The following STK33 variants were observed in gnomAD, a reference collection of about 807,000 sequenced individuals.
STK33 encodes serine/threonine kinase 33, also known as serine/threonine-protein kinase 33.
STK33 carries 52 observed loss-of-function variants against 58.0 expected under a neutral mutation model. The ratio of observed to expected loss-of-function variants is 0.90; its 90% CI spans 0.72 to 1.13. The LOEUF (loss-of-function observed/expected upper bound fraction) is 1.13. STK33 is among the 50% of genes most tolerant of loss of function. The pLI, the probability that STK33 is intolerant of heterozygous loss-of-function variation, is 0.00. For synonymous variants in STK33, 215 were observed against 200.1 expected (o/e 1.07, Z -0.63); for missense variants, 630 against 604.2 (o/e 1.04, Z -0.45).
chr11:8,371,605 CTTTCTT>C, the STK33 span, among the ~76,000 whole-genome samples: 8 of 149,356 alleles, frequency 5.4e-5, no homozygotes, highest in Admixed American at 4.0e-4. Flanking sequence ...TTTCCTTTCT[CTTTCTT>C]TCTCTTTCTT....
chr11:8,473,389 T>C, intron 5 of STK33, 113 bp from the exon 6 acceptor site: 1 of 662,518 alleles, frequency 1.5e-6, no homozygotes, highest in South Asian at 2.0e-5. Context: ...CCATGTTTAC[T>C]ATGCACAAGA....
At position 8,474,837 on chromosome 11, in the gene STK33, A is replaced by AT; in HGVS notation, c.68dup (p.Asp23GlufsTer28). On this transcript the variant is annotated frameshift_variant, in exon 5 of 16. Transcript: ENST00000687296. LOFTEE classifies it high-confidence loss of function. ...TTTTGCTGGAACATACACAAAGTACATCTTTCTGAGAAGCAGATGAACAGT... is the reference window on the plus strand; with the variant it reads ...TTTTGCTGGAACATACACAAAGTACATTCTTTCTGAGAAGCAGATGAACAGT... 2 of 1,611,334 alleles carry AT rather than the reference A, an allele frequency of 1.2e-6. No individual in the cohort carries two copies. The highest frequency in any genetic ancestry group is 1.7e-4 in the Middle Eastern group (1 of 6,050).
intron 15 of STK33, among the ~76,000 whole-genome samples, chr11:8,402,411 A>G (rs532333956): frequency 6.6e-6 from 1 of 152,250 alleles, no homozygotes; most frequent in Admixed American, 6.5e-5. Flanking sequence ...TGGGAATTGA[A>G]CAATGAGAAC....
At chr11:8,343,758 C>G in the STK33 span, among the ~76,000 whole-genome samples, 1 of 152,158 alleles carries the variant, frequency 6.6e-6, no homozygotes, top group Non-Finnish European at 1.5e-5. Flanking sequence ...TGTTCCAGAA[C>G]ACAGTTCTCA....
intron 1 of STK33, among the ~76,000 whole-genome samples, chr11:8,485,740 G>A (rs1950153078): frequency 1.3e-5 from 2 of 152,154 alleles, no homozygotes; most frequent in African/African-American, 4.8e-5. Flanking sequence ...CAAATGAACA[G>A]TAAACTCTAC....
chr11:8,539,321 C>T (rs931237417), intron 1 of STK33, among the ~76,000 whole-genome samples: 9 of 152,178 alleles, frequency 5.9e-5, no homozygotes, highest in Admixed American at 2.0e-4. Context: ...ATCTCTGACA[C>T]GGTGCTGCAT....
chr11:8,346,523 G>C, the STK33 span, among the ~76,000 whole-genome samples: 1 of 152,226 alleles, frequency 6.6e-6, no homozygotes, highest in Non-Finnish European at 1.5e-5. Flanking sequence ...GCAGATGGTG[G>C]CATGGTGCTC....
downstream of STK33, among the ~76,000 whole-genome samples, chr11:8,391,462 C>T (rs1371462900): frequency 2.6e-5 from 4 of 152,144 alleles, no homozygotes; most frequent in Admixed American, 1.3e-4. Flanking sequence ...AAGAAGCACA[C>T]GTACTATTTT....
chr11:8,470,946 G>C (rs1285440270), intron 6 of STK33, among the ~76,000 whole-genome samples: 4 of 152,140 alleles, frequency 2.6e-5, no homozygotes, highest in Admixed American at 2.6e-4. Context: ...TGACACAAAG[G>C]CACAAAATGA....
the STK33 span, among the ~76,000 whole-genome samples, chr11:8,373,933 C>CCTGGGCACTT: frequency 6.6e-6 from 1 of 152,354 alleles, no homozygotes; most frequent in African/African-American, 2.4e-5. Context: ...CAGGTGCCTT[C>CCTGGGCACTT]CTGGGCACTT....
the STK33 span, among the ~76,000 whole-genome samples, chr11:8,355,308 G>A: frequency 6.6e-6 from 1 of 152,344 alleles, no homozygotes; most frequent in South Asian, 2.1e-4. Context: ...AGGTTAATAC[G>A]GCACACCTGA....
intron 15 of STK33, among the ~76,000 whole-genome samples, chr11:8,401,649 A>G (rs556172093): frequency 7.0e-4 from 106 of 152,276 alleles, no homozygotes; most frequent in Middle Eastern, 3.4e-3. Context: ...GAGCTTCTGC[A>G]TAGCAAAAGA....
At chr11:8,419,062 C>G (rs1254769805) in intron 14 of STK33, among the ~76,000 whole-genome samples, 1 of 152,028 alleles carries the variant, frequency 6.6e-6, no homozygotes, top group Admixed American at 6.6e-5. Flanking sequence ...GTTTCTTGTA[C>G]TGTACAGAAG....
chr11:8,432,584 T>G (rs1230456161), intron 14 of STK33, among the ~76,000 whole-genome samples: 1 of 152,200 alleles, frequency 6.6e-6, no homozygotes, highest in South Asian at 2.1e-4. Context: ...TTTCAGATAT[T>G]TACCACATTT....
chr11:8,535,399 A>G (rs1384513570), intron 1 of STK33, among the ~76,000 whole-genome samples: 1 of 152,212 alleles, frequency 6.6e-6, no homozygotes, highest in Non-Finnish European at 1.5e-5. Flanking sequence ...ACAGGAAAAA[A>G]GACAGTCCCA....
intron 1 of STK33, among the ~76,000 whole-genome samples, chr11:8,574,679 T>G (rs188348624): frequency 6.6e-6 from 1 of 152,036 alleles, no homozygotes; most frequent in African/African-American, 2.4e-5. Flanking sequence ...CAGACCAATA[T>G]CCTTCATGAA....
intron 2 of STK33, among the ~76,000 whole-genome samples, chr11:8,478,578 C>A (rs1472995516): frequency 2.0e-5 from 3 of 152,126 alleles, no homozygotes; most frequent in South Asian, 2.1e-4. Context: ...AGAAGATACA[C>A]TTACAGCAAT....
chr11:8,435,618 C>G, intron 13 of STK33, 39 bp from the exon 14 acceptor site: 3 of 1,258,808 alleles, frequency 2.4e-6, no homozygotes, highest in Non-Finnish European at 3.2e-6. Flanking sequence ...TCTTATTTAA[C>G]TACAATTAAT....
the STK33 span, among the ~76,000 whole-genome samples, chr11:8,344,533 G>T: frequency 6.6e-6 from 1 of 152,224 alleles, no homozygotes; most frequent in Non-Finnish European, 1.5e-5. Context: ...TTAGAGGACT[G>T]AGCACAGAGA....
Sources: gnomAD v4.1 joint callset for allele counts (sites outside exome capture counted in the v4.1 genomes callset) on GRCh38, gnomAD v4.1.1 for gene constraint, MANE v1.5 for transcripts, NCBI Gene and HGNC (gene_info 2026-07-23, HGNC 2026-07-21) for gene names.